Variants in PLEKHA7 observed in about 807,000 individuals in gnomAD.
PLEKHA7 encodes pleckstrin homology domain-containing family A member 7.
In PLEKHA7, 104 loss-of-function variants were observed where a neutral mutation model predicts 170.0. The observed-to-expected ratio is 0.61, with a 90% CI of 0.52 to 0.72. The LOEUF is 0.72. Ranked by LOEUF, PLEKHA7 falls within the 30% of genes least tolerant of loss-of-function variation. The pLI is 0.00. For synonymous variants in PLEKHA7, 648 were observed against 660.8 expected, an observed-to-expected ratio of 0.98 and a Z score of 0.30; for missense variants, 1,615 against 1,671.7, an observed-to-expected ratio of 0.97 and a Z score of 0.59.
rs145546361 is a variant in PLEKHA7 at position 16,901,520 on chromosome 11, G to A, written c.222-30338C>T. Among the ~76,000 whole-genome samples the A allele has an allele frequency of 7.4e-3, 1,126 of 152,144 alleles. 18 individuals carry two copies. Among genetic ancestry groups the A allele is most frequent in the African/African-American group, 0.025 (1,038 of 41,522 alleles). ...ATATGTCTTTTCTCTTTTTTCGGGG[G>A]TGGGAAGGAACAGCTTTATTGAGAT... is the stretch of plus-strand genomic sequence containing the variant. On this transcript the variant is annotated intron_variant, in intron 3 of 26. Transcript: ENST00000531066.
chr11:16,974,307 T>C (rs1294398440), intron 3 of PLEKHA7, among the ~76,000 whole-genome samples: 1 of 151,794 alleles, frequency 6.6e-6, no homozygotes, highest in Non-Finnish European at 1.5e-5. Context: ...TTTTTTTTTT[T>C]TTTTGGTAAT....
At chr11:16,932,104 C>A (rs1468246418) in intron 3 of PLEKHA7, among the ~76,000 whole-genome samples, 1 of 152,116 alleles carries the variant, frequency 6.6e-6, no homozygotes, top group East Asian at 1.9e-4. Flanking sequence ...ACCCACTTAC[C>A]AGCTGGGGGA....
chr11:16,782,682 G>A, intron 26 of PLEKHA7, 72 bp downstream of exon 26: 2 of 1,511,410 alleles, frequency 1.3e-6, no homozygotes, highest in Admixed American at 2.0e-5. Flanking sequence ...TCTGGAACAG[G>A]CCATGCTGGG....
At chr11:16,974,510 C>G (rs892784257) in intron 3 of PLEKHA7, among the ~76,000 whole-genome samples, 1 of 152,098 alleles carries the variant, frequency 6.6e-6, no homozygotes, top group Non-Finnish European at 1.5e-5. Flanking sequence ...GTGTACCGAT[C>G]AGCCAGCTTC....
intron 3 of PLEKHA7, among the ~76,000 whole-genome samples, chr11:17,007,185 G>A (rs1330958878): frequency 6.6e-6 from 1 of 152,106 alleles, no homozygotes; most frequent in Non-Finnish European, 1.5e-5. Context: ...GCATGGTGGT[G>A]GCAACTCCTA....
intron 3 of PLEKHA7, among the ~76,000 whole-genome samples, chr11:16,915,091 C>T (rs770928331): frequency 4.6e-5 from 7 of 152,286 alleles, no homozygotes; most frequent in Middle Eastern, 6.8e-3. Flanking sequence ...TCAATGATCC[C>T]CTGTGGCCGA....
chr11:16,880,090 T>G (rs2135780175), intron 3 of PLEKHA7, among the ~76,000 whole-genome samples: 1 of 152,280 alleles, frequency 6.6e-6, no homozygotes, highest in East Asian at 1.9e-4. Flanking sequence ...TTTAAGGAAG[T>G]TGGCAGAGGG....
Position 16,826,325 on chromosome 11 carries a change from C to A in PLEKHA7, c.1138G>T (p.Gly380Cys). ...EDALFMDLPT[G>C]PRGQQAQPQR... ...GGCTGTGCCTGCTGGCCTCTTGGGCCAGTGGGTAAATCCATAAACAAGGCA... is the reference window on the plus strand; with the variant it reads ...GGCTGTGCCTGCTGGCCTCTTGGGCAAGTGGGTAAATCCATAAACAAGGCA... The change falls in exon 10 of 27, where the codon GGC becomes TGC. Residue 380 changes from glycine (G) to cysteine (C), a missense_variant. By Grantham distance (159) the Gly-to-Cys change is radical (BLOSUM62 -3). Transcript: ENST00000531066. 4 of 1,614,228 alleles carry A rather than the reference C, an allele frequency of 2.5e-6. No homozygotes were observed. Among genetic ancestry groups the A allele is most frequent in the Non-Finnish European group, 3.4e-6 (4 of 1,180,034 alleles).
chr11:16,835,968 C>T (rs1851481561), intron 9 of PLEKHA7, among the ~76,000 whole-genome samples: 1 of 152,206 alleles, frequency 6.6e-6, no homozygotes, highest in South Asian at 2.1e-4. Context: ...GTCCTCGCGG[C>T]CTGGATAGGG....
Position 16,790,821 on chromosome 11 carries a change from C to G in PLEKHA7, c.3029G>C (p.Arg1010Thr), listed in dbSNP as rs752318601. ...ACCTCTGCCTGGCAGCGTCTGGTACCTGCTCTCAGGGCCCACAAGTCCTAG... is the reference window on the plus strand; with the variant it reads ...ACCTCTGCCTGGCAGCGTCTGGTACGTGCTCTCAGGGCCCACAAGTCCTAG... Reference protein sequence around the residue: ...PSLGLVGPESRYQTLPGRGLS... With the variant: ...PSLGLVGPESTYQTLPGRGLS... The change falls in exon 21 of 27, where the codon AGG (arginine) becomes ACG (threonine). Residue 1010 changes from arginine (R) to threonine (T), a missense_variant. Arg to Thr is a moderately conservative substitution (Grantham distance 71). Coordinates refer to ENST00000531066, the MANE Select transcript of PLEKHA7 (RefSeq NM_001329630.2). The G allele has an allele frequency of 1.9e-6, 3 of 1,609,032 alleles. No homozygotes were observed. The South Asian group carries it at 3.3e-5, about 18-fold the overall frequency.
chr11:16,999,069 G>A (rs924504488), intron 3 of PLEKHA7, among the ~76,000 whole-genome samples: 2 of 152,070 alleles, frequency 1.3e-5, no homozygotes, highest in Non-Finnish European at 2.9e-5. Flanking sequence ...CACTGTCTCT[G>A]TGCCTGACAC....
intron 9 of PLEKHA7, among the ~76,000 whole-genome samples, chr11:16,836,425 G>A (rs1851514840): frequency 6.6e-6 from 1 of 152,184 alleles, no homozygotes; most frequent in African/African-American, 2.4e-5. Flanking sequence ...GCAGTCAACA[G>A]TCCTAATACA....
chr11:16,938,944 G>C (rs1165951865), intron 3 of PLEKHA7, among the ~76,000 whole-genome samples: 1 of 152,022 alleles, frequency 6.6e-6, no homozygotes, highest in Non-Finnish European at 1.5e-5. Flanking sequence ...GTCTTTCCCA[G>C]GAAAGAAATA....
chr11:16,912,387 A>G (rs1479794363), intron 3 of PLEKHA7, among the ~76,000 whole-genome samples: 3 of 152,230 alleles, frequency 2.0e-5, no homozygotes, highest in Non-Finnish European at 4.4e-5. Flanking sequence ...AGCACCAAAG[A>G]GAATTTGGTA....
intron 3 of PLEKHA7, among the ~76,000 whole-genome samples, chr11:17,006,612 G>C (rs1235114636): frequency 7.4e-6 from 1 of 134,632 alleles, no homozygotes; most frequent in Non-Finnish European, 1.6e-5. Context: ...GGGTGACACA[G>C]CAAGACTCAG....
chr11:17,000,925 G>A (rs1236592036), intron 3 of PLEKHA7, among the ~76,000 whole-genome samples: 1 of 152,166 alleles, frequency 6.6e-6, no homozygotes, highest in African/African-American at 2.4e-5. Context: ...CCACACTCCT[G>A]CAGCCAAGCT....
intron 3 of PLEKHA7, among the ~76,000 whole-genome samples, chr11:16,884,041 T>C (rs1855895024): frequency 2.5e-5 from 2 of 80,164 alleles, no homozygotes; most frequent in Non-Finnish European, 6.8e-5. Context: ...AAATTGTACA[T>C]ATCATTCTAT....
chr11:16,911,139 T>C (rs915845437), intron 3 of PLEKHA7, among the ~76,000 whole-genome samples: 23 of 152,370 alleles, frequency 1.5e-4, no homozygotes, highest in African/African-American at 5.0e-4. Flanking sequence ...AAATTGCAGT[T>C]TGAAACAGCA....
intron 3 of PLEKHA7, among the ~76,000 whole-genome samples, chr11:17,008,669 C>A (rs917500360): frequency 6.6e-6 from 1 of 152,194 alleles, no homozygotes; most frequent in Non-Finnish European, 1.5e-5. Context: ...GGGCTGGGTG[C>A]CTAAGTCACA....
Sources: gnomAD v4.1 joint callset for allele counts (sites outside exome capture counted in the v4.1 genomes callset) on GRCh38, gnomAD v4.1.1 for gene constraint, MANE v1.5 for transcripts, NCBI Gene and HGNC (gene_info 2026-07-23, HGNC 2026-07-21) for gene names.